Variants in CLDN16 observed in about 807,000 individuals in gnomAD.
CLDN16 encodes claudin-16.
Under a neutral mutation model 24.6 loss-of-function variants are expected in CLDN16, and 13 were observed. That is an observed-to-expected ratio of 0.53 (90% confidence interval 0.34 to 0.84). CLDN16 has a LOEUF of 0.84. Ranked by LOEUF, CLDN16 falls within the 40% of genes least tolerant of loss-of-function variation. The pLI is 0.01. For missense variants in CLDN16, 298 were observed against 292.7 expected, an observed-to-expected ratio of 1.02 and a Z score of -0.13; for synonymous variants, 116 against 106.7, an observed-to-expected ratio of 1.09 and a Z score of -0.54.
chr3:190,336,539 T>G (rs4096913), intron 1 of CLDN16, among the ~76,000 whole-genome samples: 10,719 of 152,164 alleles, frequency 0.07, 554 homozygotes, highest in African/African-American at 0.14. Flanking sequence ...TGTGGAAAGT[T>G]CCCCGTTTTC....
chr3:190,343,658 A>T (rs77756650), intron 1 of CLDN16, among the ~76,000 whole-genome samples: 1 of 152,124 alleles, frequency 6.6e-6, no homozygotes, highest in Non-Finnish European at 1.5e-5. Context: ...GCCACGACAT[A>T]TATGAATCTG....
chr3:190,316,138 T>C, the CLDN16 span, among the ~76,000 whole-genome samples: 1 of 152,210 alleles, frequency 6.6e-6, no homozygotes, highest in East Asian at 1.9e-4. Flanking sequence ...TAGAATAATA[T>C]ATTATTTGCA....
At chr3:190,319,797 A>G (rs1457509894), upstream of CLDN16, among the ~76,000 whole-genome samples, 2 of 152,222 alleles carry the variant, frequency 1.3e-5, no homozygotes, top group Admixed American at 6.5e-5. Context: ...AAACCAGCCA[A>G]TGAATCACCA....
At chr3:190,394,143 TGC>T (rs1290887736) in intron 1 of CLDN16, among the ~76,000 whole-genome samples, 1 of 152,220 alleles carries the variant, frequency 6.6e-6, no homozygotes, top group Non-Finnish European at 1.5e-5. Flanking sequence ...ATTTATCAAA[TGC>T]TCACATTTAC....
At chr3:190,332,347 T>C (rs922483092) in intron 1 of CLDN16, among the ~76,000 whole-genome samples, 2 of 152,210 alleles carry the variant, frequency 1.3e-5, no homozygotes, top group African/African-American at 4.8e-5. Context: ...AATAAGATAT[T>C]AATAGTTTGC....
intron 2 of CLDN16, among the ~76,000 whole-genome samples, 174 bp downstream of exon 2, chr3:190,402,613 C>T (rs556056997): frequency 6.6e-6 from 1 of 152,228 alleles, no homozygotes; most frequent in Non-Finnish European, 1.5e-5. Context: ...TATACTTCAG[C>T]ACATTTTCTC....
chr3:190,294,575 T>C, the CLDN16 span, among the ~76,000 whole-genome samples: 4 of 152,140 alleles, frequency 2.6e-5, no homozygotes. Flanking sequence ...CATGTCCTGT[T>C]TAAACAATTA....
At chr3:190,310,970 C>T in the CLDN16 span, among the ~76,000 whole-genome samples, 1 of 151,972 alleles carries the variant, frequency 6.6e-6, no homozygotes, top group Non-Finnish European at 1.5e-5. Flanking sequence ...ATTTTTTTAT[C>T]AAAAAAGTTA....
intron 1 of CLDN16, among the ~76,000 whole-genome samples, chr3:190,328,965 T>C (rs907200038): frequency 4.6e-5 from 7 of 152,238 alleles, no homozygotes; most frequent in South Asian, 4.1e-4. Flanking sequence ...CTCTGGGCCC[T>C]GTAGGCATTT....
At chr3:190,367,029 T>C (rs995066740) in intron 1 of CLDN16, among the ~76,000 whole-genome samples, 2 of 151,998 alleles carry the variant, frequency 1.3e-5, no homozygotes, top group African/African-American at 4.8e-5. Flanking sequence ...ACATTCAAGA[T>C]TTTAATTTTA....
chr3:190,404,322 C>G (rs1026150895), intron 2 of CLDN16, among the ~76,000 whole-genome samples: 2 of 151,838 alleles, frequency 1.3e-5, no homozygotes, highest in Admixed American at 1.3e-4. Flanking sequence ...CAAATTTTAG[C>G]CAATTATTAT....
the CLDN16 span, among the ~76,000 whole-genome samples, chr3:190,294,390 T>A: frequency 6.6e-6 from 1 of 152,202 alleles, no homozygotes; most frequent in African/African-American, 2.4e-5. Flanking sequence ...GAGAGGCTGA[T>A]TGGCATTGAA....
chr3:190,305,992 T>C, the CLDN16 span: 1 of 152,234 alleles, frequency 6.6e-6, no homozygotes, highest in Admixed American at 6.5e-5. Context: ...AAAGCATATA[T>C]TCTCAGGTTT....
chr3:190,305,015 G>A, the CLDN16 span, among the ~76,000 whole-genome samples: 1 of 152,142 alleles, frequency 6.6e-6, no homozygotes, highest in Admixed American at 6.5e-5. Flanking sequence ...TCAAACTTCT[G>A]CTGGCCTTGG....
At chr3:190,348,755 C>A (rs757070831) in intron 1 of CLDN16, among the ~76,000 whole-genome samples, 2 of 152,142 alleles carry the variant, frequency 1.3e-5, no homozygotes, top group Non-Finnish European at 2.9e-5. Context: ...CAGATTATTT[C>A]ATCACCCAGG....
At chr3:190,299,072 A>C in the CLDN16 span, among the ~76,000 whole-genome samples, 1 of 152,300 alleles carries the variant, frequency 6.6e-6, no homozygotes, top group Non-Finnish European at 1.5e-5. Flanking sequence ...ATTAATCCAC[A>C]TATGCTACAA....
chr3:190,391,229 A>G (rs1289868590), intron 1 of CLDN16, among the ~76,000 whole-genome samples: 1 of 140,528 alleles, frequency 7.1e-6, no homozygotes, highest in Non-Finnish European at 1.6e-5. Context: ...TTTTTTTAGT[A>G]TATTTGGATG....
At chr3:190,373,603 T>C (rs1718186237) in intron 2 of CLDN16, among the ~76,000 whole-genome samples, 1 of 151,974 alleles carries the variant, frequency 6.6e-6, no homozygotes, top group East Asian at 1.9e-4. Flanking sequence ...TGCATTTAAC[T>C]AATTTATATT....
intron 1 of CLDN16, among the ~76,000 whole-genome samples, chr3:190,390,478 G>T (rs1718620630): frequency 6.6e-6 from 1 of 152,166 alleles, no homozygotes. Context: ...AGGTTGCACT[G>T]AGCCGAGATT....
Sources: allele counts gnomAD v4.1 joint callset (sites outside exome capture counted in the v4.1 genomes callset), GRCh38; gene constraint gnomAD v4.1.1; transcripts MANE v1.5; gene names NCBI Gene and HGNC (gene_info 2026-07-23, HGNC 2026-07-21).